The following CMTM8 variants were observed in gnomAD, a reference collection of about 807,000 sequenced individuals.
CMTM8 encodes CKLF like MARVEL transmembrane domain containing 8.
CMTM8 carries 12 observed loss-of-function variants against 18.6 expected under a neutral mutation model. That is an observed-to-expected ratio of 0.65 (90% CI 0.41 to 1.05). The LOEUF is 1.05. Ranked by LOEUF, CMTM8 falls within the 50% of genes least tolerant of loss-of-function variation. The pLI is 0.00. For missense variants in CMTM8, 217 were observed against 227.2 expected (o/e 0.95, Z 0.29); for synonymous variants, 87 against 90.6 (o/e 0.96, Z 0.23).
At chr3:32,300,708 C>T (rs1169461957) in intron 1 of CMTM8, among the ~76,000 whole-genome samples, 1 of 152,028 alleles carries the variant, frequency 6.6e-6, no homozygotes, top group Non-Finnish European at 1.5e-5. Flanking sequence ...CCTGTAATCC[C>T]AGCACTTTGG....
chr3:32,323,453 G>A (rs1028572814), intron 1 of CMTM8, among the ~76,000 whole-genome samples: 1 of 152,158 alleles, frequency 6.6e-6, no homozygotes, highest in Non-Finnish European at 1.5e-5. Flanking sequence ...TGTGGGCATG[G>A]CCAGATTTTG....
chr3:32,263,266 C>A (rs1702282531), intron 1 of CMTM8, among the ~76,000 whole-genome samples: 1 of 152,188 alleles, frequency 6.6e-6, no homozygotes, highest in Admixed American at 6.5e-5. Flanking sequence ...TCAAGAGGAA[C>A]AATCAGGCAG....
chr3:32,322,490 T>G (rs150677888), intron 1 of CMTM8, among the ~76,000 whole-genome samples: 9 of 152,352 alleles, frequency 5.9e-5, no homozygotes, highest in African/African-American at 2.2e-4. Context: ...ATAACCTAAG[T>G]AGCTTCCTGG....
At chr3:32,295,106 G>A (rs1320929316) in intron 1 of CMTM8, among the ~76,000 whole-genome samples, 2 of 151,942 alleles carry the variant, frequency 1.3e-5, no homozygotes, top group African/African-American at 4.8e-5. Flanking sequence ...GAAGTGAATG[G>A]TGATTTATTC....
chr3:32,240,875 C>T (rs1701938572), intron 1 of CMTM8, among the ~76,000 whole-genome samples: 1 of 152,116 alleles, frequency 6.6e-6, no homozygotes, highest in African/African-American at 2.4e-5. Context: ...GCCGCCTTGA[C>T]CTCTTGGGCT....
At chr3:32,290,614 T>G (rs1327889745) in intron 1 of CMTM8, among the ~76,000 whole-genome samples, 1 of 152,224 alleles carries the variant, frequency 6.6e-6, no homozygotes, top group Non-Finnish European at 1.5e-5. Flanking sequence ...CTAGGGCCGG[T>G]GTTTGTATTT....
intron 1 of CMTM8, among the ~76,000 whole-genome samples, chr3:32,282,809 C>T (rs1251273452): frequency 6.6e-6 from 1 of 152,172 alleles, no homozygotes; most frequent in East Asian, 1.9e-4. Context: ...TGCTCTGGCC[C>T]CCTTGCTGCT....
chr3:32,325,923 C>T (rs1696142357), intron 1 of CMTM8, among the ~76,000 whole-genome samples: 1 of 152,200 alleles, frequency 6.6e-6, no homozygotes, highest in Non-Finnish European at 1.5e-5. Context: ...GAGGGATATT[C>T]CTCTCCCAGG....
chr3:32,264,336 T>C (rs1305484411), intron 1 of CMTM8, among the ~76,000 whole-genome samples: 1 of 152,214 alleles, frequency 6.6e-6, no homozygotes, highest in Non-Finnish European at 1.5e-5. Context: ...CAGAATTTCA[T>C]GTCCAGCCAA....
intron 1 of CMTM8, among the ~76,000 whole-genome samples, chr3:32,324,977 T>C (rs1696126100): frequency 6.6e-6 from 1 of 152,258 alleles, no homozygotes; most frequent in South Asian, 2.1e-4. Flanking sequence ...TCCCCACTTC[T>C]GGTGATGAGA....
intron 1 of CMTM8, among the ~76,000 whole-genome samples, chr3:32,266,264 G>GA (rs1702342820): frequency 6.6e-6 from 1 of 152,200 alleles, no homozygotes. Context: ...CCATGATCAA[G>GA]TGGGCTTCAT....
At chr3:32,354,466 T>C (rs1696774351) in intron 1 of CMTM8, among the ~76,000 whole-genome samples, 1 of 152,204 alleles carries the variant, frequency 6.6e-6, no homozygotes, top group South Asian at 2.1e-4. Context: ...TTAACAATAT[T>C]GTGCCTTTGT....
chr3:32,303,548 A>G (rs1004782504), intron 1 of CMTM8, among the ~76,000 whole-genome samples: 1 of 152,268 alleles, frequency 6.6e-6, no homozygotes, highest in Non-Finnish European at 1.5e-5. Context: ...TTTGGTTCTC[A>G]TACTTTCTTC....
chr3:32,315,332 G>A (rs1053464578), intron 1 of CMTM8, among the ~76,000 whole-genome samples: 3 of 152,054 alleles, frequency 2.0e-5, no homozygotes, highest in African/African-American at 7.2e-5. Flanking sequence ...GTTTTACCAT[G>A]TTGGCCAGGC....
intron 1 of CMTM8, among the ~76,000 whole-genome samples, chr3:32,290,209 A>G (rs191962305): frequency 1.3e-5 from 2 of 152,254 alleles, no homozygotes; most frequent in South Asian, 2.1e-4. Context: ...AGTGTTCAGC[A>G]TGATTGCTTA....
Position 32,358,477 on chromosome 3 carries a change from G to T in CMTM8, c.321+931G>T, listed in dbSNP as rs1045804143. On this transcript the variant is annotated intron_variant, in intron 2 of 3. Transcript: ENST00000307526. The surrounding 1 kb of genome is among the most constrained non-coding windows in gnomAD (Gnocchi z 4.1). The stretch of plus-strand genomic sequence containing the variant: ...TTTTTTGTCTGTTTTCAACCAATAT[G>T]TGAGAAAAAATATTTAGTTCCAAAT... 2.0e-5 allele frequency among the ~76,000 whole-genome samples: 3 copies of T among 152,162 alleles called. No homozygotes were observed. The highest frequency in any genetic ancestry group is 2.0e-4 in the Admixed American group (3 of 15,280).
intron 2 of CMTM8, among the ~76,000 whole-genome samples, chr3:32,361,186 G>C (rs1022614316): frequency 6.6e-6 from 1 of 151,866 alleles, no homozygotes; most frequent in Non-Finnish European, 1.5e-5. Flanking sequence ...TCTCCATGTT[G>C]GTCAGGCTGG....
chr3:32,280,846 CAAAAAAAAAAAAA>C (rs60845487), intron 1 of CMTM8, among the ~76,000 whole-genome samples: 1 of 68,172 alleles, frequency 1.5e-5, no homozygotes, highest in Non-Finnish European at 2.6e-5. Context: ...AGAAAATAGG[CAAAAAAAAAAAAA>C]AAAAAAAAAA....
chr3:32,278,182 G>A (rs920514174), intron 1 of CMTM8, among the ~76,000 whole-genome samples: 1 of 152,168 alleles, frequency 6.6e-6, no homozygotes, highest in Non-Finnish European at 1.5e-5. Context: ...ATCCAACCTG[G>A]AAGTTACATG....
Sources: gnomAD v4.1 joint callset for allele counts (sites outside exome capture counted in the v4.1 genomes callset) on GRCh38, gnomAD v4.1.1 for gene constraint, Gnocchi (gnomAD v3.1) non-coding constraint, MANE v1.5 for transcripts, NCBI Gene and HGNC (gene_info 2026-07-23, HGNC 2026-07-21) for gene names.